The following UBE2E2 variants were observed in gnomAD, a reference collection of about 807,000 sequenced individuals.
The protein encoded by UBE2E2 is ubiquitin conjugating enzyme E2 E2, also known as ubiquitin-conjugating enzyme E2 E2.
In UBE2E2, 6 loss-of-function variants were observed where a neutral mutation model predicts 24.7. The observed-to-expected ratio is 0.24, with a 90% CI of 0.13 to 0.48. The LOEUF is 0.48. Ranked by LOEUF, UBE2E2 falls within the 20% of genes least tolerant of loss-of-function variation. The pLI, the probability that UBE2E2 is intolerant of heterozygous loss-of-function variation, is 0.99. For missense variants in UBE2E2, 169 were observed against 245.0 expected (o/e 0.69, Z 2.07); for synonymous variants, 104 against 83.6 (o/e 1.24, Z -1.33).
At chr3:23,452,788 A>T (rs73821812) in intron 3 of UBE2E2, among the ~76,000 whole-genome samples, 1 of 151,980 alleles carries the variant, frequency 6.6e-6, no homozygotes, top group Non-Finnish European at 1.5e-5. Flanking sequence ...GAGGAAAAAG[A>T]CTTGAAGGAC....
chr3:23,420,975 C>A (rs1697782797), intron 3 of UBE2E2, among the ~76,000 whole-genome samples: 1 of 152,122 alleles, frequency 6.6e-6, no homozygotes, highest in Admixed American at 6.5e-5. Flanking sequence ...ATCTTTATTC[C>A]TTTTACTCTC....
At chr3:23,285,343 A>C (rs1698592673) in intron 3 of UBE2E2, among the ~76,000 whole-genome samples, 1 of 152,190 alleles carries the variant, frequency 6.6e-6, no homozygotes, top group South Asian at 2.1e-4. Flanking sequence ...AAACGTGGGA[A>C]TGCAGATATC....
intron 3 of UBE2E2, among the ~76,000 whole-genome samples, chr3:23,255,890 G>A (rs542592861): frequency 1.3e-5 from 2 of 152,310 alleles, no homozygotes; most frequent in Non-Finnish European, 2.9e-5. Context: ...CTTGAACCCA[G>A]GAGTTTGAGG....
chr3:23,235,068 G>T (rs557119557), intron 3 of UBE2E2, among the ~76,000 whole-genome samples: 1 of 152,234 alleles, frequency 6.6e-6, no homozygotes, highest in Admixed American at 6.5e-5. Context: ...TGTATACTGG[G>T]GATGCAATTA....
At chr3:23,310,587 T>C (rs1694348435) in intron 3 of UBE2E2, among the ~76,000 whole-genome samples, 2 of 152,100 alleles carry the variant, frequency 1.3e-5, no homozygotes, top group Non-Finnish European at 2.9e-5. Context: ...GGATTCAAGT[T>C]AAAGGATAAC....
At chr3:23,449,278 AGACTG>A (rs1314317322) in intron 3 of UBE2E2, among the ~76,000 whole-genome samples, 2 of 152,244 alleles carry the variant, frequency 1.3e-5, no homozygotes, top group Non-Finnish European at 2.9e-5. Context: ...AGATATCAAC[AGACTG>A]CTTACATGGA....
intron 3 of UBE2E2, among the ~76,000 whole-genome samples, chr3:23,305,756 C>T (rs1699221591): frequency 2.6e-5 from 4 of 152,024 alleles, no homozygotes. Context: ...TACAGACAGG[C>T]TCTCACTCTG....
intron 3 of UBE2E2, among the ~76,000 whole-genome samples, chr3:23,318,946 ATTATT>A (rs1694664528): frequency 6.6e-6 from 1 of 152,236 alleles, no homozygotes; most frequent in African/African-American, 2.4e-5. Context: ...AGTTTTGAGT[ATTATT>A]TTAAGATTGC....
At chr3:23,247,544 G>A (rs948441087) in intron 3 of UBE2E2, among the ~76,000 whole-genome samples, 6 of 152,034 alleles carry the variant, frequency 3.9e-5, no homozygotes, top group Admixed American at 6.6e-5. Flanking sequence ...CAGTAGGACG[G>A]GGTTTCTCCA....
At chr3:23,498,057 A>G (rs1189445544) in intron 3 of UBE2E2, among the ~76,000 whole-genome samples, 2 of 152,046 alleles carry the variant, frequency 1.3e-5, no homozygotes, top group East Asian at 3.8e-4. Flanking sequence ...AGCATTTTTC[A>G]TATGATTATT....
chr3:23,318,592 CTA>C (rs1344549335), intron 3 of UBE2E2, among the ~76,000 whole-genome samples: 1 of 151,976 alleles, frequency 6.6e-6, no homozygotes, highest in Non-Finnish European at 1.5e-5. Flanking sequence ...AAAGGCACGT[CTA>C]TGTGGTGGCA....
At chr3:23,236,178 C>G (rs1208735793) in intron 3 of UBE2E2, among the ~76,000 whole-genome samples, 2 of 151,978 alleles carry the variant, frequency 1.3e-5, no homozygotes, top group Non-Finnish European at 1.5e-5. Flanking sequence ...GTCCCCTGTT[C>G]TTAGTGAGTA....
intron 3 of UBE2E2, among the ~76,000 whole-genome samples, chr3:23,318,907 T>A (rs149029167): frequency 1.3e-5 from 2 of 152,340 alleles, no homozygotes; most frequent in East Asian, 3.9e-4. Context: ...TGCCTATACA[T>A]TGTCTTATAA....
chr3:23,364,790 G>C (rs1411271647), intron 3 of UBE2E2, among the ~76,000 whole-genome samples: 3 of 152,128 alleles, frequency 2.0e-5, no homozygotes, highest in Admixed American at 2.0e-4. Flanking sequence ...GCATCATTAT[G>C]ATACCAAAAC....
chr3:23,434,934 A>G (rs76335214), intron 3 of UBE2E2, among the ~76,000 whole-genome samples: 1,982 of 152,356 alleles, frequency 0.013, 42 homozygotes, highest in African/African-American at 0.044. Flanking sequence ...CATCATTTGC[A>G]TATCCAGATT....
intron 3 of UBE2E2, among the ~76,000 whole-genome samples, chr3:23,404,136 ACACT>A (rs1229782034): frequency 1.3e-5 from 2 of 152,194 alleles, no homozygotes; most frequent in Non-Finnish European, 1.5e-5. Context: ...TTTGGATTAC[ACACT>A]CACACACACA....
At chr3:23,552,581 G>A (rs1490440216) in intron 5 of UBE2E2, among the ~76,000 whole-genome samples, 1 of 152,152 alleles carries the variant, frequency 6.6e-6, no homozygotes, top group Admixed American at 6.6e-5. Context: ...GAAATAAATA[G>A]GAGTTAGCAC....
intron 5 of UBE2E2, among the ~76,000 whole-genome samples, chr3:23,547,960 C>T: frequency 6.6e-6 from 1 of 152,206 alleles, no homozygotes; most frequent in East Asian, 1.9e-4. Context: ...CTGATGTCCT[C>T]AGGGACCTGG....
intron 3 of UBE2E2, among the ~76,000 whole-genome samples, chr3:23,489,737 C>CTGGTACT (rs1194623884): frequency 1.3e-5 from 2 of 152,172 alleles, no homozygotes; most frequent in Non-Finnish European, 2.9e-5. Context: ...AGGCCACGGA[C>CTGGTACT]TGGTACTGGG....
Sources: gnomAD v4.1 joint callset for allele counts (sites outside exome capture counted in the v4.1 genomes callset) on GRCh38, gnomAD v4.1.1 for gene constraint, MANE v1.5 for transcripts, NCBI Gene and HGNC (gene_info 2026-07-23, HGNC 2026-07-21) for gene names.